The following ADAM19 variants were observed in gnomAD, a reference collection of about 807,000 sequenced individuals.
The protein encoded by ADAM19 is disintegrin and metalloproteinase domain-containing protein 19.
ADAM19 carries 65 observed loss-of-function variants against 114.7 expected under a neutral mutation model. That is an observed-to-expected ratio of 0.57 (90% CI 0.46 to 0.70). ADAM19 has a LOEUF of 0.70. ADAM19 is among the 30% of genes least tolerant of loss of function. The probability of loss-of-function intolerance (pLI) is 0.00; values close to 1 mark genes in which losing one functional copy is unlikely to be tolerated. For synonymous variants in ADAM19, 466 were observed against 460.5 expected (o/e 1.01, Z -0.15); for missense variants, 1,063 against 1,204.7 (o/e 0.88, Z 1.74).
chr5:157,518,764 C>T, intron 7 of ADAM19, 59 bp downstream of exon 7: 12 of 1,304,722 alleles, frequency 9.2e-6, no homozygotes, highest in Non-Finnish European at 1.3e-5. Context: ...AGTCTGGAGC[C>T]TGGAATGGAA....
Position 157,519,849 on chromosome 5 carries a change from C to T in ADAM19, c.590G>A (p.Arg197Gln), listed in dbSNP as rs147812090. 19 of 1,610,072 alleles carry T rather than the reference C, an allele frequency of 1.2e-5. No homozygotes were observed. Among genetic ancestry groups the T allele is most frequent in the East Asian group, 4.5e-5 (2 of 44,798 alleles). The change falls in exon 6 of 23, where the codon CGA (arginine) becomes CAA (glutamine). Residue 197 changes from arginine (R) to glutamine (Q), a missense_variant. Transcript: ENST00000257527. Reference sequence around the variant, plus strand: ...AGCCTCAAAACTCACCCTGCGAGGTCGCTTCTTGGTCTGTTGTGTAAACTG... The same window carrying T: ...AGCCTCAAAACTCACCCTGCGAGGTTGCTTCTTGGTCTGTTGTGTAAACTG... ...ALQFTQQTKKRPRRMKREDLN... is the reference protein window; with the variant it reads ...ALQFTQQTKKQPRRMKREDLN...
intron 8 of ADAM19, among the ~76,000 whole-genome samples, chr5:157,511,310 A>G (rs1755913298): frequency 6.6e-6 from 1 of 152,164 alleles, no homozygotes; most frequent in Non-Finnish European, 1.5e-5. Context: ...TTTTTCCACC[A>G]CTTTTTACGT....
rs757772655 is a variant in ADAM19, at chr5:157,502,771, C to G, written c.1308+32G>C. ...AGTTTTGAAACCAATGCAAATTCTT[C>G]CCCTCCCACTAGCACCATTGTGACC... On this transcript the variant is annotated intron_variant, in intron 12 of 22. Transcript: ENST00000257527. 7 of 1,599,866 alleles carry G rather than the reference C, an allele frequency of 4.4e-6. No individual in the cohort carries two copies. In the East Asian group the frequency reaches 1.6e-4, roughly 36 times the overall value.
chr5:157,553,139 C>T (rs775505483), intron 3 of ADAM19, among the ~76,000 whole-genome samples: 2 of 152,146 alleles, frequency 1.3e-5, no homozygotes, highest in African/African-American at 2.4e-5. Context: ...AAGGTGACTA[C>T]AGTCTATAAT....
chr5:157,485,853 T>C (rs1754915127), intron 21 of ADAM19, among the ~76,000 whole-genome samples: 2 of 152,314 alleles, frequency 1.3e-5, no homozygotes, highest in South Asian at 4.1e-4. Flanking sequence ...CGTTACTCTC[T>C]TCTGAGCACC....
intron 6 of ADAM19, 92 bp from the exon 7 acceptor site, chr5:157,518,980 G>T: frequency 1.9e-6 from 2 of 1,029,824 alleles, no homozygotes; most frequent in Non-Finnish European, 3.0e-6. Context: ...TGGATAAGCA[G>T]CAGCTACCTC....
At chr5:157,564,503 G>C (rs1054568980) in intron 2 of ADAM19, 60 bp from the exon 3 acceptor site, 4 of 1,456,572 alleles carry the variant, frequency 2.7e-6, no homozygotes, top group Non-Finnish European at 9.6e-7. Flanking sequence ...TCCCTGGGTC[G>C]GGCACAGGAT....
intron 3 of ADAM19, among the ~76,000 whole-genome samples, chr5:157,559,906 AG>A (rs1247614930): frequency 6.6e-6 from 1 of 152,116 alleles, no homozygotes; most frequent in Non-Finnish European, 1.5e-5. Context: ...ATGTCTCCAC[AG>A]GTAGAGCAAA....
chr5:157,490,291 C>G lies in ADAM19; in HGVS notation c.2240+19G>C. ...GACCCATAAATTGACCCTGAGTCCT[C>G]CATTGAACCCTGTCATACCTGAACT... On this transcript the variant is annotated intron_variant, in intron 19 of 22. Transcript: ENST00000257527. The G allele has an allele frequency of 1.2e-6, 2 of 1,613,850 alleles. No individual in the cohort carries two copies. Among genetic ancestry groups the G allele is most frequent in the Non-Finnish European group, 1.7e-6 (2 of 1,179,828 alleles).
At chr5:157,574,353 C>T (rs1347225521) in intron 1 of ADAM19, among the ~76,000 whole-genome samples, 1 of 152,184 alleles carries the variant, frequency 6.6e-6, no homozygotes, top group Non-Finnish European at 1.5e-5. Flanking sequence ...TTCTCCTGCA[C>T]TAAGCACTGA....
chr5:157,486,465 G>A (rs924297764), intron 21 of ADAM19, among the ~76,000 whole-genome samples: 21 of 152,064 alleles, frequency 1.4e-4, no homozygotes, highest in African/African-American at 4.6e-4. Flanking sequence ...TCCTGCACCC[G>A]GGACTCCTGC....
Position 157,489,184 on chromosome 5 carries a change from C to A in ADAM19, c.2243G>T (p.Cys748Phe), listed in dbSNP as rs149511726. The stretch of plus-strand genomic sequence containing the variant: ...GCTGTTCTGAGAAACCCTGAAGGGA[C>A]AACTAGAAACAAGAAATGGGGGAGG... ...LPSKLRQQFS[C>F]PFRVSQNSGT... The change falls in exon 20 of 23, where the codon TGT becomes TTT. Residue 748 changes from cysteine to phenylalanine, a missense_variant and splice_region_variant. Cys to Phe is a radical substitution (Grantham distance 205, BLOSUM62 -2). Around this residue, in one of 3 missense-constraint regions of ADAM19, gnomAD observed 424 missense variants for 445.5 expected, o/e 0.95. Transcript: ENST00000257527. 47 of 1,611,968 alleles carry A rather than the reference C, an allele frequency of 2.9e-5. No individual in the cohort carries two copies. In the African/African-American group the frequency reaches 5.9e-4, roughly 20 times the overall value.
chr5:157,550,287 C>T (rs1352780818), intron 3 of ADAM19, among the ~76,000 whole-genome samples: 2 of 152,298 alleles, frequency 1.3e-5, no homozygotes, highest in South Asian at 2.1e-4. Flanking sequence ...TGAGTTCCTT[C>T]GCCTGTGGTG....
At chr5:157,487,070 CTT>C (rs1754958821) in intron 21 of ADAM19, among the ~76,000 whole-genome samples, 1 of 152,152 alleles carries the variant, frequency 6.6e-6, no homozygotes, top group African/African-American at 2.4e-5. Flanking sequence ...ACCTTGGACT[CTT>C]AGCCTCTAGA....
chr5:157,504,634 G>A (rs980176949), intron 11 of ADAM19, among the ~76,000 whole-genome samples: 1 of 152,090 alleles, frequency 6.6e-6, no homozygotes, highest in South Asian at 2.1e-4. Flanking sequence ...CTGTTTCTTG[G>A]AGACATTGAA....
chr5:157,568,747 AT>A (rs1454989099), intron 2 of ADAM19: 1 of 152,234 alleles, frequency 6.6e-6, no homozygotes, highest in Non-Finnish European at 1.5e-5. Context: ...GAAGAAAAAA[AT>A]GTTTAATGAG....
At chr5:157,546,677 T>C (rs1195373504) in intron 3 of ADAM19, among the ~76,000 whole-genome samples, 1 of 152,138 alleles carries the variant, frequency 6.6e-6, no homozygotes, top group Non-Finnish European at 1.5e-5. Context: ...AATGCAGCCA[T>C]TATAGCTCCT....
At chr5:157,572,190 A>T in intron 1 of ADAM19, 1 of 419,828 alleles carries the variant, frequency 2.4e-6, no homozygotes, top group Non-Finnish European at 4.8e-6. Context: ...GGTTCATGCC[A>T]TTCTCCTGCC....
chr5:157,496,796 C>T lies in ADAM19; in HGVS notation c.1594+98G>A, dbSNP rs924712376. The stretch of plus-strand genomic sequence containing the variant: ...ATGAAAGAGGTAGTATCTAGAGGTG[C>T]CATTTGAAGCCAAGATTCCAAACTA... On this transcript the variant is annotated intron_variant, in intron 14 of 22. Transcript: ENST00000257527. 6.5e-6 allele frequency: 7 copies of T among 1,080,248 alleles called. No homozygotes were observed. In the African/African-American group the frequency reaches 6.7e-5, roughly 10 times the overall value. The allele number at this position is 1,080,248 out of a possible 1,614,324, so 66.9% of individuals were successfully genotyped here.
Sources: gnomAD v4.1 joint callset for allele counts (sites outside exome capture counted in the v4.1 genomes callset) on GRCh38, gnomAD v4.1.1 for gene constraint, gnomAD v4.1.1 regional missense constraint, MANE v1.5 for transcripts, NCBI Gene and HGNC (gene_info 2026-07-23, HGNC 2026-07-21) for gene names.